ADGRL3: variants seen among roughly 807,000 people sequenced by gnomAD.
The protein encoded by ADGRL3 is adhesion G protein-coupled receptor L3.
Under a neutral mutation model 153.5 loss-of-function variants are expected in ADGRL3, and 62 were observed. That is an observed-to-expected ratio of 0.40 (90% CI 0.33 to 0.50). The LOEUF (loss-of-function observed/expected upper bound fraction) is 0.50. Ranked by LOEUF, ADGRL3 falls within the 20% of genes least tolerant of loss-of-function variation. The probability of loss-of-function intolerance (pLI) is 0.47; values close to 1 mark genes in which losing one functional copy is unlikely to be tolerated. For missense variants in ADGRL3, 1,641 were observed against 1,859.4 expected (o/e 0.88, Z 2.16); for synonymous variants, 710 against 672.5 (o/e 1.06, Z -0.86).
At chr4:61,458,258 G>A (rs1048013361) in intron 2 of ADGRL3, among the ~76,000 whole-genome samples, 68 of 151,220 alleles carry the variant, frequency 4.5e-4, no homozygotes, top group African/African-American at 1.6e-3. Flanking sequence ...GTTATAATAT[G>A]AAAAATGAAA....
At chr4:61,871,145 G>A (rs919658683) in intron 9 of ADGRL3, among the ~76,000 whole-genome samples, 1 of 152,054 alleles carries the variant, frequency 6.6e-6, no homozygotes. Context: ...AGGTGTGGTG[G>A]CGAGTGCCTG....
intron 8 of ADGRL3, among the ~76,000 whole-genome samples, chr4:61,772,130 A>G (rs572802102): frequency 3.7e-4 from 56 of 152,346 alleles, no homozygotes; most frequent in African/African-American, 1.3e-3. Flanking sequence ...AAGGATCAAT[A>G]ATCACTGAGT....
intron 1 of ADGRL3, among the ~76,000 whole-genome samples, chr4:61,257,638 A>G (rs1251969544): frequency 6.6e-6 from 1 of 152,186 alleles, no homozygotes; most frequent in African/African-American, 2.4e-5. Flanking sequence ...AAATATTAAA[A>G]TTCAACTCCC....
chr4:61,849,088 C>T (rs2098170602), intron 9 of ADGRL3, among the ~76,000 whole-genome samples: 1 of 152,146 alleles, frequency 6.6e-6, no homozygotes. Context: ...AACCAGCATC[C>T]TAATGAAATG....
chr4:61,715,658 G>T (rs567835356), intron 6 of ADGRL3, among the ~76,000 whole-genome samples: 1 of 151,946 alleles, frequency 6.6e-6, no homozygotes, highest in South Asian at 2.1e-4. Context: ...TGCACTTGTG[G>T]TAGTTAAAAA....
intron 2 of ADGRL3, among the ~76,000 whole-genome samples, chr4:61,463,441 A>G (rs901869657): frequency 3.3e-5 from 5 of 152,110 alleles, no homozygotes; most frequent in African/African-American, 1.2e-4. Context: ...GCAGACTTTT[A>G]ACAACCAGAT....
chr4:61,857,747 C>T (rs909545172), intron 9 of ADGRL3, among the ~76,000 whole-genome samples: 6 of 147,916 alleles, frequency 4.1e-5, no homozygotes, highest in African/African-American at 7.6e-5. Flanking sequence ...TCTTTTTTTG[C>T]AGTCAAAATC....
At chr4:61,294,276 C>T (rs1029764331) in intron 1 of ADGRL3, among the ~76,000 whole-genome samples, 4 of 151,950 alleles carry the variant, frequency 2.6e-5, no homozygotes, top group African/African-American at 7.3e-5. Context: ...AGCACAATTC[C>T]GTTTTTCACT....
chr4:62,061,790 A>G (rs977787217), intron 25 of ADGRL3, among the ~76,000 whole-genome samples: 1 of 152,024 alleles, frequency 6.6e-6, no homozygotes, highest in African/African-American at 2.4e-5. Flanking sequence ...GTGTATCAGT[A>G]GTTTGTTCCT....
At chr4:61,773,943 A>C (rs2097114934) in intron 8 of ADGRL3, among the ~76,000 whole-genome samples, 1 of 152,346 alleles carries the variant, frequency 6.6e-6, no homozygotes, top group Non-Finnish European at 1.5e-5. Flanking sequence ...GCGGGAAACT[A>C]ATGGAACATG....
chr4:61,312,006 A>G (rs1364356228), intron 1 of ADGRL3, among the ~76,000 whole-genome samples: 1 of 152,078 alleles, frequency 6.6e-6, no homozygotes, highest in African/African-American at 2.4e-5. Flanking sequence ...TATATGAGAG[A>G]TCTCTGTACC....
chr4:61,324,947 A>G (rs1267747987), intron 1 of ADGRL3, among the ~76,000 whole-genome samples: 2 of 152,232 alleles, frequency 1.3e-5, no homozygotes, highest in Admixed American at 1.3e-4. Context: ...AAATTATTAA[A>G]GCACCAAATA....
chr4:61,525,251 A>T (rs1445701126), intron 4 of ADGRL3, among the ~76,000 whole-genome samples: 1 of 152,100 alleles, frequency 6.6e-6, no homozygotes, highest in Non-Finnish European at 1.5e-5. Context: ...CTTGAGAAAA[A>T]ATTCCTAGGA....
chr4:61,406,724 A>G (rs1407674835), intron 2 of ADGRL3, among the ~76,000 whole-genome samples: 1 of 152,038 alleles, frequency 6.6e-6, no homozygotes, highest in Non-Finnish European at 1.5e-5. Flanking sequence ...AGGGTAGCTC[A>G]GATATTTTAA....
At chr4:61,917,274 C>A (rs1402430011) in intron 13 of ADGRL3, among the ~76,000 whole-genome samples, 2 of 152,064 alleles carry the variant, frequency 1.3e-5, no homozygotes, top group East Asian at 3.9e-4. Flanking sequence ...CAAGACATAT[C>A]ATTAGGTTTA....
intron 2 of ADGRL3, among the ~76,000 whole-genome samples, chr4:61,436,445 G>A (rs1456873): frequency 0.39 from 59,808 of 152,000 alleles, 12,307 homozygotes; most frequent in Middle Eastern, 0.56. Flanking sequence ...TATTCTCAAG[G>A]AGCTCATAGT....
intron 5 of ADGRL3, among the ~76,000 whole-genome samples, chr4:61,648,765 A>G (rs901416363): frequency 2.1e-4 from 32 of 152,144 alleles, no homozygotes; most frequent in African/African-American, 7.5e-4. Flanking sequence ...ACTGTTAAGC[A>G]CCTTACATAT....
intron 9 of ADGRL3, among the ~76,000 whole-genome samples, chr4:61,836,937 A>C (rs1354270312): frequency 6.6e-6 from 1 of 152,140 alleles, no homozygotes; most frequent in Non-Finnish European, 1.5e-5. Context: ...ATACCAAATA[A>C]AATAAGGATA....
At position 61,955,827 on chromosome 4, in the gene ADGRL3, T is replaced by C. The variant is rs955566735; in HGVS notation, c.2805+7551T>C. 1.1e-4 allele frequency among the ~76,000 whole-genome samples: 16 copies of C among 152,090 alleles called. 1 individual carries two copies. The highest frequency in any genetic ancestry group is 3.6e-4 in the African/African-American group (15 of 41,408). ...CTGTATTAGTTTGCTGAGGGTGATG[T>C]ATTCCAGCTTCATCCATGTCCCTGC... On this transcript the variant is annotated intron_variant, in intron 17 of 26. Transcript: ENST00000683033.
Sources: gnomAD v4.1 joint callset for allele counts (sites outside exome capture counted in the v4.1 genomes callset) on GRCh38, gnomAD v4.1.1 for gene constraint, MANE v1.5 for transcripts, NCBI Gene and HGNC (gene_info 2026-07-23, HGNC 2026-07-21) for gene names.